ERC1: variants seen among roughly 807,000 people sequenced by gnomAD.
The protein encoded by ERC1 is ELKS/RAB6-interacting/CAST family member 1, also known as RAB6 interacting protein 2.
ERC1 carries 56 observed loss-of-function variants against 132.0 expected under a neutral mutation model. That is an observed-to-expected ratio of 0.42 (90% CI 0.34 to 0.53). ERC1 has a LOEUF of 0.53. Ranked by LOEUF, ERC1 falls within the 20% of genes least tolerant of loss-of-function variation. ERC1 has a pLI of 0.03. For synonymous variants in ERC1, 478 were observed against 476.1 expected, an observed-to-expected ratio of 1.00 and a Z score of -0.05; for missense variants, 1,202 against 1,349.9, an observed-to-expected ratio of 0.89 and a Z score of 1.72.
In ERC1 at chr12:1,435,410, C is replaced by T. The variant is rs554487367; in HGVS notation, c.3025-9152C>T. 1.8e-4 allele frequency among the ~76,000 whole-genome samples: 28 copies of T among 152,234 alleles called. No homozygotes were observed. In the South Asian group the frequency reaches 5.2e-3, roughly 28 times the overall value. The stretch of plus-strand genomic sequence containing the variant: ...GGGTCGGGGAGGCAGGTATATACCC[C>T]TGGCTTTCCTGGAATTAGCTGCTGT... On this transcript the variant is annotated intron_variant, in intron 17 of 18. Transcript: ENST00000360905.
At chr12:1,428,055 T>A (rs1276019870) in intron 17 of ERC1, among the ~76,000 whole-genome samples, 1 of 152,212 alleles carries the variant, frequency 6.6e-6, no homozygotes, top group Non-Finnish European at 1.5e-5. Flanking sequence ...TATATAGCAT[T>A]TGAAGCATCT....
At chr12:1,375,892 G>A (rs4600274) in intron 16 of ERC1, among the ~76,000 whole-genome samples, 61,397 of 151,504 alleles carry the variant, frequency 0.41, 13,656 homozygotes, top group African/African-American at 0.59. Context: ...GCCCGCCACC[G>A]CGCCCGGCTA....
intron 18 of ERC1, among the ~76,000 whole-genome samples, chr12:1,478,407 T>C (rs960276326): frequency 2.0e-5 from 3 of 152,232 alleles, no homozygotes; most frequent in Non-Finnish European, 2.9e-5. Context: ...TACTGCTTTA[T>C]AGGAGTTCTT....
intron 8 of ERC1, among the ~76,000 whole-genome samples, chr12:1,143,377 T>TGTTC (rs1328483665): frequency 7.3e-6 from 1 of 137,882 alleles, no homozygotes; most frequent in Non-Finnish European, 1.5e-5. Flanking sequence ...TGTGTGTGTG[T>TGTTC]GTGTTCAGAC....
At chr12:1,040,867 G>A (rs1350881824) in intron 2 of ERC1, among the ~76,000 whole-genome samples, 1 of 152,134 alleles carries the variant, frequency 6.6e-6, no homozygotes, top group Non-Finnish European at 1.5e-5. Context: ...ACCGGTGGCT[G>A]GTAGCTTATG....
chr12:1,382,596 A>G (rs1341803580), intron 16 of ERC1, among the ~76,000 whole-genome samples: 1 of 152,226 alleles, frequency 6.6e-6, no homozygotes, highest in Non-Finnish European at 1.5e-5. Context: ...TTCGGGCTTT[A>G]TCTTCCTCAC....
chr12:1,016,719 C>T (rs370967909), intron 1 of ERC1, among the ~76,000 whole-genome samples: 2 of 146,846 alleles, frequency 1.4e-5, no homozygotes, highest in Non-Finnish European at 3.0e-5. Flanking sequence ...ATCTCGATCT[C>T]GGCTCACTGC....
chr12:1,307,536 T>C (rs1320279321), intron 15 of ERC1, among the ~76,000 whole-genome samples: 2 of 152,208 alleles, frequency 1.3e-5, no homozygotes, highest in African/African-American at 4.8e-5. Context: ...GGTGCATCCT[T>C]TCTGCGTCCT....
At chr12:1,315,738 A>C (rs1308797303) in intron 15 of ERC1, among the ~76,000 whole-genome samples, 4 of 152,164 alleles carry the variant, frequency 2.6e-5, no homozygotes, top group African/African-American at 2.4e-5. Context: ...AGAGAGAGAG[A>C]GAGCGAGAGA....
chr12:1,404,592 A>T (rs2091327815), intron 16 of ERC1, among the ~76,000 whole-genome samples: 1 of 152,216 alleles, frequency 6.6e-6, no homozygotes, highest in Non-Finnish European at 1.5e-5. Context: ...CTAGATATTT[A>T]CATCTCCCAA....
chr12:1,283,718 C>CT (rs2078845446), intron 14 of ERC1, among the ~76,000 whole-genome samples: 1 of 152,162 alleles, frequency 6.6e-6, no homozygotes, highest in Non-Finnish European at 1.5e-5. Context: ...ATTAAGCAAT[C>CT]TTTAAGAAAA....
chr12:1,488,587 A>G (rs2094277414), intron 18 of ERC1, among the ~76,000 whole-genome samples: 2 of 152,182 alleles, frequency 1.3e-5, no homozygotes, highest in African/African-American at 4.8e-5. Flanking sequence ...ACAGATGAGG[A>G]AACTGAGACT....
At chr12:1,325,448 A>C (rs963945377) in intron 15 of ERC1, among the ~76,000 whole-genome samples, 3 of 152,272 alleles carry the variant, frequency 2.0e-5, no homozygotes, top group African/African-American at 7.2e-5. Context: ...TATCCTGTTT[A>C]ACTGGCATTT....
intron 2 of ERC1, among the ~76,000 whole-genome samples, chr12:1,032,485 A>G (rs1232172913): frequency 2.0e-5 from 3 of 152,110 alleles, no homozygotes; most frequent in Non-Finnish European, 4.4e-5. Flanking sequence ...TTATTCTACC[A>G]CTTTATATCT....
intron 8 of ERC1, among the ~76,000 whole-genome samples, chr12:1,165,584 C>T (rs925582236): frequency 2.6e-5 from 4 of 152,014 alleles, no homozygotes; most frequent in Non-Finnish European, 4.4e-5. Flanking sequence ...GGGATTACCT[C>T]GGCCTCCCAA....
intron 9 of ERC1, among the ~76,000 whole-genome samples, chr12:1,181,697 C>G (rs558799078): frequency 1.3e-5 from 2 of 151,296 alleles, no homozygotes; most frequent in Admixed American, 6.6e-5. Flanking sequence ...GCAGGAGAAT[C>G]GCTTGAACCC....
intron 15 of ERC1, among the ~76,000 whole-genome samples, chr12:1,325,667 C>A (rs1459240945): frequency 6.6e-6 from 1 of 152,020 alleles, no homozygotes; most frequent in African/African-American, 2.4e-5. Context: ...GATTGTAATT[C>A]TTAGAATTGA....
intron 3 of ERC1, among the ~76,000 whole-genome samples, chr12:1,094,413 C>G (rs963316897): frequency 1.5e-5 from 1 of 67,108 alleles, no homozygotes; most frequent in Non-Finnish European, 5.9e-5. Context: ...TTCCTTCTCT[C>G]TCTTTTTTTT....
intron 14 of ERC1, among the ~76,000 whole-genome samples, chr12:1,266,857 T>G (rs913722433): frequency 5.3e-5 from 8 of 152,240 alleles, no homozygotes; most frequent in African/African-American, 1.9e-4. Context: ...AGTTACCTGT[T>G]TCTCACTTAA....
Sources: gnomAD v4.1 joint callset for allele counts (sites outside exome capture counted in the v4.1 genomes callset) on GRCh38, gnomAD v4.1.1 for gene constraint, MANE v1.5 for transcripts, NCBI Gene and HGNC (gene_info 2026-07-23, HGNC 2026-07-21) for gene names.